The following MRPL30 variants were observed in gnomAD, a reference collection of about 807,000 sequenced individuals.
MRPL30 encodes the protein mitochondrial ribosomal protein L30.
Under a neutral mutation model 17.2 loss-of-function variants are expected in MRPL30, and 10 were observed. The ratio of observed to expected loss-of-function variants is 0.58; its 90% CI spans 0.36 to 0.99. The LOEUF (loss-of-function observed/expected upper bound fraction) is 0.99, where lower values mean the gene tolerates loss of function less well. MRPL30 is among the 50% of genes least tolerant of loss of function. The pLI is 0.01. For synonymous variants in MRPL30, 61 were observed against 62.1 expected (o/e 0.98, Z 0.08); for missense variants, 170 against 189.8 (o/e 0.90, Z 0.61).
Position 99,199,014 on chromosome 2 carries a change from G to A in MRPL30, c.*3309G>A, listed in dbSNP as rs895147354. 6.6e-6 allele frequency among the ~76,000 whole-genome samples: 1 copy of A among 151,972 alleles called. No homozygotes were observed. Among genetic ancestry groups the A allele is most frequent in the Admixed American group, 6.6e-5 (1 of 15,250 alleles). The stretch of plus-strand genomic sequence containing the variant: ...AACTGGCACAGTTTCACCAAGGACA[G>A]TTTGGAACTACACAGGCCATTTTAG... On this transcript the variant is annotated 3_prime_UTR_variant, in exon 6 of 6. Transcript: ENST00000338148.
intron 1 of MRPL30, among the ~76,000 whole-genome samples, chr2:99,184,325 G>A (rs968466099): frequency 1.3e-5 from 2 of 152,144 alleles, no homozygotes; most frequent in Non-Finnish European, 2.9e-5. Flanking sequence ...CTGGGCACTG[G>A]GTGTGCTCCT....
intron 5 of MRPL30, 91 bp downstream of exon 5, chr2:99,195,280 A>T (rs749952315): frequency 7.6e-7 from 1 of 1,313,248 alleles, no homozygotes. Flanking sequence ...TCTGAAAAAA[A>T]CTTTTTAAAA....
Position 99,186,265 on chromosome 2 carries a change from C to T in MRPL30, c.51+11C>T. The T allele has an allele frequency of 1.2e-6, 2 of 1,612,808 alleles. No individual in the cohort carries two copies. Among genetic ancestry groups the T allele is most frequent in the Non-Finnish European group, 1.7e-6 (2 of 1,179,202 alleles). ...CCAGGCAGACTACAGGTAAGTGTTTCTTTTCAAGAATTTGTCTTTTCTACC... is the reference window on the plus strand; with the variant it reads ...CCAGGCAGACTACAGGTAAGTGTTTTTTTTCAAGAATTTGTCTTTTCTACC... On this transcript the variant is annotated intron_variant, in intron 2 of 5. Transcript: ENST00000338148.
rs11542899 is a variant in MRPL30 at position 99,195,984 on chromosome 2, A to G, written c.*279A>G. ...GTAACCCAGCTACTCGGGAGGCTGA[A>G]GCAGGAGAATCACTTGAACCCGGGA... is the stretch of plus-strand genomic sequence containing the variant. On this transcript the variant is annotated 3_prime_UTR_variant, in exon 6 of 6. Coordinates refer to ENST00000338148, the MANE Select transcript of MRPL30 (RefSeq NM_145212.4). 6 of 314,676 alleles carry G rather than the reference A, an allele frequency of 1.9e-5. No individual in the cohort carries two copies. Among genetic ancestry groups the G allele is most frequent in the Non-Finnish European group, 3.5e-5 (6 of 169,328 alleles). 19.5% of individuals were successfully genotyped at this position (314,676 alleles called of 1,614,324 possible).
intron 2 of MRPL30, 151 bp from the exon 3 acceptor site, chr2:99,188,026 A>G (rs2093936905): frequency 1.8e-6 from 1 of 562,574 alleles, no homozygotes; most frequent in East Asian, 3.0e-5. Context: ...TAGTGCTTAG[A>G]TGGGATGCGT....
Position 99,195,662 on chromosome 2 carries a change from A to C in MRPL30, c.443A>C (p.Gln148Pro), listed in dbSNP as rs768868852. Residue 148 changes from glutamine to proline, a missense_variant, in exon 6 of 6, where the codon CAG becomes CCG. Coordinates refer to ENST00000338148, the MANE Select transcript of MRPL30 (RefSeq NM_145212.4). ...AAAAGCACTGGGGAGTTAGTAGTGCAGTGGCATCTGAAACCTGTGGAGCAG... is the reference window on the plus strand; with the variant it reads ...AAAAGCACTGGGGAGTTAGTAGTGCCGTGGCATCTGAAACCTGTGGAGCAG... ...CLKSTGELVV[Q>P]WHLKPVEQKA... is the part of the protein sequence containing the mutation. The C allele has an allele frequency of 6.2e-7, 1 of 1,613,748 alleles. No individual in the cohort carries two copies. The highest frequency in any genetic ancestry group is 1.1e-5 in the South Asian group (1 of 91,020).
chr2:99,192,047 C>G lies in MRPL30; in HGVS notation c.133-2704C>G, dbSNP rs192380449. Among the ~76,000 whole-genome samples, 3 of 152,244 alleles carry G rather than the reference C, an allele frequency of 2.0e-5. No individual in the cohort carries two copies. In the East Asian group the frequency reaches 5.8e-4, roughly 29 times the overall value. ...AACAAGCAAAACTCACCAAAAAATA[C>G]TCTTAATCTTACCCACCCCGAGATA... On this transcript the variant is annotated intron_variant, in intron 3 of 5. Transcript: ENST00000338148.
rs1201434910 is a variant in MRPL30, at chr2:99,195,855, G to T, written c.*150G>T. The T allele has an allele frequency of 9.1e-7, 1 of 1,101,340 alleles. No homozygotes were observed. Among genetic ancestry groups the T allele is most frequent in the African/African-American group, 1.6e-5 (1 of 61,832 alleles). The allele number at this position is 1,101,340 out of a possible 1,614,324, so 68.2% of individuals were successfully genotyped here. ...CCAGCACTTTGGGAGGCCAAGGCGG[G>T]CAGATCACCTGAGGTCAAGAGTTCG... On this transcript the variant is annotated 3_prime_UTR_variant, in exon 6 of 6. Coordinates refer to ENST00000338148, the MANE Select transcript of MRPL30 (RefSeq NM_145212.4).
Position 99,197,071 on chromosome 2 carries a change from A to G in MRPL30, c.*1366A>G, listed in dbSNP as rs2105251345. The G allele has an allele frequency of 6.6e-6, 1 of 152,344 alleles. No individual in the cohort carries two copies. The allele number at this position is 152,344 out of a possible 1,614,324, so 9.4% of individuals were successfully genotyped here. A position where few individuals can be genotyped will look rare whatever the true frequency, so the allele number is the denominator to read the frequency against. On this transcript the variant is annotated 3_prime_UTR_variant, in exon 6 of 6. Transcript: ENST00000338148. Reference sequence around the variant, plus strand: ...TTTGAATCCTAAGGAACCTCTGTCAACAGTTGAGGTTGCTGTTGAAAAGAA... The same window carrying G: ...TTTGAATCCTAAGGAACCTCTGTCAGCAGTTGAGGTTGCTGTTGAAAAGAA...
intron 1 of MRPL30, among the ~76,000 whole-genome samples, chr2:99,182,387 C>T (rs1183499863): frequency 6.6e-6 from 1 of 152,146 alleles, no homozygotes; most frequent in African/African-American, 2.4e-5. Context: ...AACCCCGTCT[C>T]TACTAAAAAT....
intron 3 of MRPL30, among the ~76,000 whole-genome samples, chr2:99,190,488 G>T (rs2093943056): frequency 1.3e-5 from 2 of 151,964 alleles, no homozygotes; most frequent in Admixed American, 1.3e-4. Flanking sequence ...TTAGCAAGAG[G>T]TCAAGGGTGT....
intron 3 of MRPL30, among the ~76,000 whole-genome samples, chr2:99,192,064 C>G (rs2093947331): frequency 6.6e-6 from 1 of 151,984 alleles, no homozygotes; most frequent in African/African-American, 2.4e-5. Flanking sequence ...TCTTACCCAC[C>G]CCGAGATAAC....
chr2:99,182,348 G>A (rs1286267569), intron 1 of MRPL30, among the ~76,000 whole-genome samples: 1 of 152,212 alleles, frequency 6.6e-6, no homozygotes. Flanking sequence ...GAGGTCAGGA[G>A]ATCGAGACCA....
At chr2:99,187,301 C>G (rs1240144971) in intron 2 of MRPL30, among the ~76,000 whole-genome samples, 1 of 152,192 alleles carries the variant, frequency 6.6e-6, no homozygotes, top group African/African-American at 2.4e-5. Flanking sequence ...CTTCAGCAGC[C>G]TGAGAGAAAT....
At chr2:99,193,226 CTCA>C (rs1376614630) in intron 3 of MRPL30, among the ~76,000 whole-genome samples, 1 of 152,080 alleles carries the variant, frequency 6.6e-6, no homozygotes, top group Non-Finnish European at 1.5e-5. Context: ...TGAAAAAAAG[CTCA>C]TCATCACTGA....
At chr2:99,185,806 G>C (rs1429367813) in intron 1 of MRPL30, 1 of 451,380 alleles carries the variant, frequency 2.2e-6, no homozygotes. Flanking sequence ...TGGGCAGTCA[G>C]TTCTAATTAT....
At chr2:99,182,773 T>C (rs1276235772) in intron 1 of MRPL30, among the ~76,000 whole-genome samples, 1 of 152,226 alleles carries the variant, frequency 6.6e-6, no homozygotes, top group East Asian at 1.9e-4. Flanking sequence ...ATATATTATA[T>C]GTCTGCTATA....
At chr2:99,187,682 G>A (rs1471374970) in intron 2 of MRPL30, among the ~76,000 whole-genome samples, 1 of 152,110 alleles carries the variant, frequency 6.6e-6, no homozygotes, top group East Asian at 1.9e-4. Context: ...AAAAAAATTA[G>A]CTGGACGTGG....
At position 99,181,192 on chromosome 2, in the gene MRPL30, T is replaced by C; in HGVS notation, c.-85T>C. On this transcript the variant is annotated 5_prime_UTR_variant, in exon 1 of 6. Transcript: ENST00000338148. ...TTTGAGTGTAGCACTTGGTAGTTCT[T>C]CCTCTGCTCTGCTTCCCTTCGGAGG... 1.7e-6 allele frequency: 1 copy of C among 601,444 alleles called. No individual in the cohort carries two copies. Among genetic ancestry groups the C allele is most frequent in the Non-Finnish European group, 2.7e-6 (1 of 365,530 alleles). The allele number at this position is 601,444 out of a possible 1,614,324, so 37.3% of individuals were successfully genotyped here.
Sources: allele counts gnomAD v4.1 joint callset (sites outside exome capture counted in the v4.1 genomes callset), GRCh38; gene constraint gnomAD v4.1.1; transcripts MANE v1.5; gene names NCBI Gene and HGNC (gene_info 2026-07-23, HGNC 2026-07-21).